GPC5: variants seen among roughly 807,000 people sequenced by gnomAD.
GPC5 encodes glypican 5, also known as glypican-5.
A neutral mutation model predicts 53.9 loss-of-function variants in GPC5; 47 were observed. That is an observed-to-expected ratio of 0.87 (90% CI 0.69 to 1.11). The LOEUF (loss-of-function observed/expected upper bound fraction) is 1.11, where lower values mean the gene tolerates loss of function less well. Ranked by LOEUF, GPC5 falls within the 50% of genes most tolerant of loss-of-function variation. The pLI, the probability that GPC5 is intolerant of heterozygous loss-of-function variation, is 0.00. For synonymous variants in GPC5, 286 were observed against 263.3 expected, an observed-to-expected ratio of 1.09 and a Z score of -0.84; for missense variants, 748 against 713.1, an observed-to-expected ratio of 1.05 and a Z score of -0.56.
At chr13:91,659,912 T>C (rs1476199092) in intron 2 of GPC5, among the ~76,000 whole-genome samples, 1 of 152,200 alleles carries the variant, frequency 6.6e-6, no homozygotes, top group Non-Finnish European at 1.5e-5. Context: ...ACAAAGCCTC[T>C]TTATTCAGAG....
chr13:91,849,497 AT>A (rs11349109), intron 5 of GPC5, among the ~76,000 whole-genome samples: 28,495 of 151,416 alleles, frequency 0.19, 2,956 homozygotes, highest in East Asian at 0.31. Flanking sequence ...ATATTCAGAG[AT>A]TTTTTTTTGG....
intron 6 of GPC5, among the ~76,000 whole-genome samples, chr13:91,922,273 G>A (rs1005269591): frequency 1.3e-5 from 2 of 151,888 alleles, no homozygotes; most frequent in African/African-American, 4.8e-5. Context: ...TATTAACTAG[G>A]TATATTTAGT....
intron 2 of GPC5, among the ~76,000 whole-genome samples, chr13:91,641,447 C>A (rs576420126): frequency 6.6e-6 from 1 of 152,212 alleles, no homozygotes; most frequent in Admixed American, 6.5e-5. Context: ...ACAACACACA[C>A]TGGGGCCTGT....
rs72635458 is a variant in GPC5 at position 92,075,219 on chromosome 13, C to T, written c.1402-69611C>T. 5.5e-3 allele frequency among the ~76,000 whole-genome samples: 830 copies of T among 152,090 alleles called. 7 individuals carry two copies. Among genetic ancestry groups the T allele is most frequent in the Middle Eastern group, 0.014 (4 of 292 alleles). Reference sequence around the variant, plus strand: ...CCAACATGTGACATACTGTATGTGACGAAAAAATGTTCTTAGAAAGATTCT... The same window carrying T: ...CCAACATGTGACATACTGTATGTGATGAAAAAATGTTCTTAGAAAGATTCT... On this transcript the variant is annotated intron_variant, in intron 6 of 7. Transcript: ENST00000377067.
intron 7 of GPC5, among the ~76,000 whole-genome samples, chr13:92,281,511 T>G (rs1279931623): frequency 6.6e-6 from 1 of 152,078 alleles, no homozygotes; most frequent in African/African-American, 2.4e-5. Flanking sequence ...AGGGGGAGAC[T>G]GACACCTCAC....
At chr13:91,527,233 A>G (rs1353302004) in intron 2 of GPC5, among the ~76,000 whole-genome samples, 1 of 152,350 alleles carries the variant, frequency 6.6e-6, no homozygotes, top group East Asian at 1.9e-4. Flanking sequence ...ATAAAAAACA[A>G]GTCAGTTACT....
intron 7 of GPC5, among the ~76,000 whole-genome samples, chr13:92,205,264 G>A (rs185158809): frequency 1.5e-3 from 226 of 152,240 alleles, no homozygotes; most frequent in Middle Eastern, 3.4e-3. Context: ...GCAATGGCAT[G>A]ATCTTGGAGA....
chr13:92,636,331 T>A (rs923189755), intron 7 of GPC5, among the ~76,000 whole-genome samples: 4 of 152,188 alleles, frequency 2.6e-5, no homozygotes, highest in African/African-American at 9.6e-5. Context: ...TAAAAAATCA[T>A]TATCATCTTG....
intron 2 of GPC5, among the ~76,000 whole-genome samples, chr13:91,552,960 A>G (rs1054258726): frequency 6.6e-6 from 1 of 152,154 alleles, no homozygotes; most frequent in African/African-American, 2.4e-5. Flanking sequence ...CTTAAAGTTG[A>G]GGCATGGTAT....
chr13:92,766,586 A>G (rs1875414707), intron 7 of GPC5, among the ~76,000 whole-genome samples: 1 of 152,244 alleles, frequency 6.6e-6, no homozygotes, highest in Non-Finnish European at 1.5e-5. Flanking sequence ...TAAGAAAGAT[A>G]TAAGCAGAAA....
intron 7 of GPC5, among the ~76,000 whole-genome samples, chr13:92,247,073 A>T (rs2042656702): frequency 6.6e-6 from 1 of 152,162 alleles, no homozygotes; most frequent in Non-Finnish European, 1.5e-5. Flanking sequence ...CTTGTGCAGG[A>T]CATTGTGTAA....
intron 7 of GPC5, among the ~76,000 whole-genome samples, chr13:92,859,438 C>A (rs1879110555): frequency 2.0e-5 from 3 of 151,970 alleles, no homozygotes; most frequent in South Asian, 4.2e-4. Flanking sequence ...CATAGATATG[C>A]ATTTTTAAAT....
chr13:92,136,900 T>C (rs2041788530), intron 6 of GPC5, among the ~76,000 whole-genome samples: 2 of 152,360 alleles, frequency 1.3e-5, no homozygotes, highest in African/African-American at 2.4e-5. Flanking sequence ...TCATCAGATA[T>C]TCTACCCACC....
At chr13:92,216,999 A>T (rs1009605495) in intron 7 of GPC5, among the ~76,000 whole-genome samples, 15 of 144,160 alleles carry the variant, frequency 1.0e-4, no homozygotes, top group Non-Finnish European at 1.8e-4. Context: ...AAAAAAAAAA[A>T]GTCATCTGAC....
chr13:91,820,655 C>G (rs1391234607), intron 5 of GPC5, among the ~76,000 whole-genome samples: 5 of 152,110 alleles, frequency 3.3e-5, no homozygotes, highest in African/African-American at 1.2e-4. Context: ...TTTAGTTGAG[C>G]TTTATTCTTC....
chr13:91,652,277 G>A (rs1391018758), intron 2 of GPC5, among the ~76,000 whole-genome samples: 2 of 149,640 alleles, frequency 1.3e-5, no homozygotes, highest in African/African-American at 5.1e-5. Context: ...AGCAAAACTG[G>A]CACTTTTTTT....
chr13:91,727,118 T>C (rs1022819003), intron 3 of GPC5, among the ~76,000 whole-genome samples: 3 of 152,220 alleles, frequency 2.0e-5, no homozygotes, highest in Non-Finnish European at 2.9e-5. Flanking sequence ...ATTTTACCTG[T>C]GTAACTTTCA....
At chr13:92,495,602 T>A (rs2138921305) in intron 7 of GPC5, among the ~76,000 whole-genome samples, 1 of 149,572 alleles carries the variant, frequency 6.7e-6, no homozygotes, top group South Asian at 2.1e-4. Flanking sequence ...ACAACAGGCC[T>A]ATCATTACAA....
chr13:92,157,336 G>T (rs1038353712), intron 7 of GPC5, among the ~76,000 whole-genome samples: 1 of 152,192 alleles, frequency 6.6e-6, no homozygotes. Flanking sequence ...TTATGCACCT[G>T]GGAGAGCTAG....
Sources: allele counts gnomAD v4.1 joint callset (sites outside exome capture counted in the v4.1 genomes callset), GRCh38; gene constraint gnomAD v4.1.1; transcripts MANE v1.5; gene names NCBI Gene and HGNC (gene_info 2026-07-23, HGNC 2026-07-21).